UBAP1L: variants seen among roughly 807,000 people sequenced by gnomAD.
The protein encoded by UBAP1L is ubiquitin-associated protein 1-like.
A neutral mutation model predicts 32.1 loss-of-function variants in UBAP1L; 32 were observed. The observed-to-expected ratio is 1.00, with a 90% CI of 0.75 to 1.34. The LOEUF is 1.34. Ranked by LOEUF, UBAP1L falls within the 40% of genes most tolerant of loss-of-function variation. UBAP1L has a pLI of 0.00. For missense variants in UBAP1L, 516 were observed against 540.5 expected, an observed-to-expected ratio of 0.95 and a Z score of 0.45; for synonymous variants, 243 against 250.2, an observed-to-expected ratio of 0.97 and a Z score of 0.27.
At chr15:65,105,979 A>G in intron 2 of UBAP1L, 117 bp downstream of exon 2, 2 of 1,410,568 alleles carry the variant, frequency 1.4e-6, no homozygotes, top group East Asian at 2.5e-5. Flanking sequence ...GTTAGTAGAT[A>G]CGGGGTTTCA....
At chr15:65,101,894 GC>G (rs1362888215) in intron 3 of UBAP1L, among the ~76,000 whole-genome samples, 2 of 152,220 alleles carry the variant, frequency 1.3e-5, no homozygotes, top group African/African-American at 4.8e-5. Flanking sequence ...AGTGGGAAAC[GC>G]GGGGAATGGG....
chr15:65,107,133 C>T (rs2087322087), intron 1 of UBAP1L, among the ~76,000 whole-genome samples: 1 of 151,666 alleles, frequency 6.6e-6, no homozygotes, highest in Non-Finnish European at 1.5e-5. Flanking sequence ...AGATAAATAT[C>T]AATAAAGATG....
rs2087259842 is a variant in UBAP1L, at chr15:65,102,726, C to G, written c.121-42G>C. ...ACGTAAAGCCCAGGGCAAACCAGGA[C>G]CCCGGGGGCACAACACTAACCCCTG... On this transcript the variant is annotated intron_variant, in intron 2 of 5. Transcript: ENST00000559089. The surrounding 1 kb of genome is among the most constrained non-coding windows in gnomAD (Gnocchi z 5.0). 1 of 1,524,476 alleles carries G rather than the reference C, an allele frequency of 6.6e-7. No homozygotes were observed. Among genetic ancestry groups the G allele is most frequent in the Non-Finnish European group, 8.8e-7 (1 of 1,135,568 alleles). The allele number at this position is 1,524,476 out of a possible 1,614,324, so 94.4% of individuals were successfully genotyped here.
intron 1 of UBAP1L, among the ~76,000 whole-genome samples, chr15:65,109,871 G>A (rs1016342734): frequency 6.6e-6 from 1 of 152,186 alleles, no homozygotes; most frequent in Non-Finnish European, 1.5e-5. Context: ...TTCACTGTTG[G>A]TCAGAAAGTC....
In UBAP1L at chr15:65,106,145, C is replaced by G; in HGVS notation, c.71G>C (p.Gly24Ala). 6.4e-7 allele frequency: 1 copy of G among 1,550,924 alleles called. No homozygotes were observed. Among genetic ancestry groups the G allele is most frequent in the Non-Finnish European group, 8.7e-7 (1 of 1,146,792 alleles). The stretch of plus-strand genomic sequence containing the variant: ...GCAGGCCGGGACGCTGAGTTCTGGC[C>G]CAGGGAGAGGCTCTGTGCCTATCAC... ...GFVIGTEPLP[G>A]PELSVPACGE... The change falls in exon 2 of 6, where the codon GGG (glycine) becomes GCG (alanine). Residue 24 changes from glycine (G) to alanine (A), a missense_variant. Gly to Ala is a moderately conservative substitution (Grantham distance 60, BLOSUM62 0). Transcript: ENST00000559089.
Position 65,102,659 on chromosome 15 carries a change from G to A in UBAP1L, c.146C>T (p.Ala49Val), listed in dbSNP as rs1006783942. 5.2e-6 allele frequency: 8 copies of A among 1,548,350 alleles called. No homozygotes were observed. The highest frequency in any genetic ancestry group is 6.1e-6 in the Non-Finnish European group (7 of 1,146,804). The change falls in exon 3 of 6, where the codon GCA becomes GTA. Residue 49 changes from alanine (A) to valine (V), a missense_variant. By Grantham distance (64) the Ala-to-Val change is moderately conservative. Coordinates refer to ENST00000559089, the MANE Select transcript of UBAP1L (RefSeq NM_001163692.2). This position sits in a 1 kb window ranked among gnomAD's most constrained non-coding sequence, Gnocchi z 5.0. Reference protein sequence around the residue: ...SMHDFSLERTALFWVEAAGQG... With the variant: ...SMHDFSLERTVLFWVEAAGQG... Reference sequence around the variant, plus strand: ...GCCGGCGGCCTCCACCCAGAAGAGTGCCGTCCTCTCCAGGCTGAAGTCGTG... The same window carrying A: ...GCCGGCGGCCTCCACCCAGAAGAGTACCGTCCTCTCCAGGCTGAAGTCGTG...
chr15:65,114,153 G>A (rs912372467), intron 1 of UBAP1L, among the ~76,000 whole-genome samples: 15 of 151,252 alleles, frequency 9.9e-5, no homozygotes, highest in African/African-American at 3.2e-4. Flanking sequence ...CAAAGTGCTG[G>A]GATTACAGGC....
chr15:65,093,693 C>T (rs1347971159), intron 5 of UBAP1L, among the ~76,000 whole-genome samples: 4 of 152,354 alleles, frequency 2.6e-5, no homozygotes, highest in African/African-American at 9.6e-5. Flanking sequence ...AGGCCTCACC[C>T]AACCCTCCGT....
At chr15:65,105,399 A>G (rs1173146167) in intron 2 of UBAP1L, 1 of 295,950 alleles carries the variant, frequency 3.4e-6, no homozygotes, top group Non-Finnish European at 6.5e-6. Context: ...GGATCGCTTG[A>G]GCCCTAGAAG....
chr15:65,111,731 C>T (rs574941662), intron 1 of UBAP1L, among the ~76,000 whole-genome samples: 16 of 151,934 alleles, frequency 1.1e-4, no homozygotes, highest in Admixed American at 6.6e-4. Flanking sequence ...GTGATCCACC[C>T]GACTTGACTT....
Position 65,094,641 on chromosome 15 carries a change from A to C in UBAP1L, c.910-65T>G, listed in dbSNP as rs746926258. The C allele has an allele frequency of 4.1e-5, 50 of 1,230,152 alleles. No homozygotes were observed. Among genetic ancestry groups the C allele is most frequent in the Non-Finnish European group, 5.6e-5 (48 of 859,078 alleles). The allele number at this position is 1,230,152 out of a possible 1,614,324, so 76.2% of individuals were successfully genotyped here. On this transcript the variant is annotated intron_variant, in intron 4 of 5. Transcript: ENST00000559089. This position sits in a 1 kb window ranked among gnomAD's most constrained non-coding sequence, Gnocchi z 4.2. ...GAGCAGCCGGGGCAGCAGACAGGGC[A>C]GAGAGGCACTCCAAGGGCCTGAGCT...
intron 4 of UBAP1L, 51 bp downstream of exon 4, chr15:65,099,454 C>T (rs2087214103): frequency 1.3e-6 from 2 of 1,528,618 alleles, no homozygotes; most frequent in African/African-American, 1.4e-5. Context: ...CATGTGGCCA[C>T]TCACCTGGCT....
chr15:65,105,619 C>A (rs1305937703), intron 2 of UBAP1L: 1 of 654,662 alleles, frequency 1.5e-6, no homozygotes. Flanking sequence ...TTTAAGAACA[C>A]TCGTGAAACT....
chr15:65,093,609 G>A (rs1480860742), intron 5 of UBAP1L, among the ~76,000 whole-genome samples: 2 of 152,150 alleles, frequency 1.3e-5, no homozygotes, highest in South Asian at 2.1e-4. Context: ...GTATCACAGC[G>A]CAGCCTGCAC....
At chr15:65,103,911 T>C (rs1269738681) in intron 2 of UBAP1L, among the ~76,000 whole-genome samples, 1 of 151,896 alleles carries the variant, frequency 6.6e-6, no homozygotes, top group Non-Finnish European at 1.5e-5. Flanking sequence ...CCCAATAAAA[T>C]GCCAACACTT....
Position 65,105,009 on chromosome 15 carries a change from T to TAAAAA in UBAP1L, c.120+1086_120+1087insTTTTT, listed in dbSNP as rs750257442. On this transcript the variant is annotated intron_variant, in intron 2 of 5. Transcript: ENST00000559089. ...TGACAGAGCGAGACTCTGTCTCAAA[T>TAAAAA]GAAAAAAAAAAAAAAAAAAGAAAAT... 1.8e-4 allele frequency: 15 copies of TAAAAA among 84,850 alleles called. 1 individual carries two copies. The highest frequency in any genetic ancestry group is 8.6e-4 in the East Asian group (2 of 2,326). 5.3% of individuals were successfully genotyped at this position (84,850 alleles called of 1,614,324 possible).
chr15:65,095,679 A>G (rs763210460), intron 4 of UBAP1L: 2 of 152,260 alleles, frequency 1.3e-5, no homozygotes, highest in African/African-American at 2.4e-5. Context: ...AATTATGAGT[A>G]TATGTGGAGA....
rs964790871 is a variant in UBAP1L, at chr15:65,094,351, C to T, written c.1011+124G>A. ...AGAGCTGAGGAGTCAGGCAATCTCC[C>T]GACAGACCCACAGGCTGGACCCACA... On this transcript the variant is annotated intron_variant, in intron 5 of 5. Transcript: ENST00000559089. The surrounding 1 kb of genome is among the most constrained non-coding windows in gnomAD (Gnocchi z 4.2). 7 of 663,656 alleles carry T rather than the reference C, an allele frequency of 1.1e-5. No homozygotes were observed. Among genetic ancestry groups the T allele is most frequent in the Admixed American group, 2.9e-5 (1 of 34,890 alleles). 41.1% of individuals were successfully genotyped at this position (663,656 alleles called of 1,614,324 possible). A position where few individuals can be genotyped will look rare whatever the true frequency, so the allele number is the denominator to read the frequency against.
chr15:65,113,620 C>T (rs748770533), intron 1 of UBAP1L, among the ~76,000 whole-genome samples: 22 of 152,096 alleles, frequency 1.4e-4, no homozygotes, highest in Non-Finnish European at 2.2e-4. Flanking sequence ...TAGTGGCACA[C>T]GCCTGTACTC....
Sources: allele counts gnomAD v4.1 joint callset (sites outside exome capture counted in the v4.1 genomes callset), GRCh38; gene constraint gnomAD v4.1.1; non-coding constraint Gnocchi (gnomAD v3.1); transcripts MANE v1.5; gene names NCBI Gene and HGNC (gene_info 2026-07-23, HGNC 2026-07-21).